Variants in CRACR2A observed in about 807,000 individuals in gnomAD.
CRACR2A encodes calcium release activated channel regulator 2A, also known as EF-hand calcium-binding domain-containing protein 4B.
A neutral mutation model predicts 90.5 loss-of-function variants in CRACR2A; 79 were observed. That is an observed-to-expected ratio of 0.87 (90% confidence interval 0.73 to 1.05). CRACR2A has a LOEUF of 1.05. Ranked by LOEUF, CRACR2A falls within the 50% of genes least tolerant of loss-of-function variation. The pLI is 0.00. For missense variants in CRACR2A, 823 were observed against 897.2 expected (o/e 0.92, Z 1.06); for synonymous variants, 338 against 356.7 (o/e 0.95, Z 0.59).
At position 3,657,890 on chromosome 12, in the gene CRACR2A, G is replaced by A. The variant is rs73047239; in HGVS notation, c.763-1484C>T. Among the ~76,000 whole-genome samples the A allele has an allele frequency of 9.8e-3, 1,494 of 152,220 alleles. 12 individuals are homozygous for A. Among genetic ancestry groups the A allele is most frequent in the Middle Eastern group, 0.017 (5 of 294 alleles). On this transcript the variant is annotated intron_variant, in intron 8 of 19. Transcript: ENST00000440314. The stretch of plus-strand genomic sequence containing the variant: ...GCAAGTGATTAGGTACTTCCTTCAC[G>A]GTCAAACAAACTGGTAAGGGTCAAG...
At chr12:3,650,875 T>C (rs548390742) in intron 10 of CRACR2A, among the ~76,000 whole-genome samples, 3 of 152,348 alleles carry the variant, frequency 2.0e-5, no homozygotes, top group African/African-American at 4.8e-5. Context: ...TACTGTTCTA[T>C]TTGTCTAGTA....
intron 3 of CRACR2A, among the ~76,000 whole-genome samples, chr12:3,703,462 C>T (rs1945866201): frequency 6.6e-6 from 1 of 152,162 alleles, no homozygotes; most frequent in Non-Finnish European, 1.5e-5. Flanking sequence ...AATGTAAAAC[C>T]TGTAAACATA....
intron 6 of CRACR2A, among the ~76,000 whole-genome samples, chr12:3,675,842 G>C (rs921784778): frequency 6.6e-6 from 1 of 152,136 alleles, no homozygotes; most frequent in African/African-American, 2.4e-5. Context: ...AATCCTTTGT[G>C]CTTGCGTTAT....
chr12:3,645,257 C>G (rs943385748), intron 11 of CRACR2A, among the ~76,000 whole-genome samples: 2 of 152,194 alleles, frequency 1.3e-5, no homozygotes, highest in Admixed American at 1.3e-4. Context: ...AATAAGACAG[C>G]ATTTGCATAG....
chr12:3,714,784 C>T (rs952003935), intron 2 of CRACR2A, among the ~76,000 whole-genome samples: 1 of 152,144 alleles, frequency 6.6e-6, no homozygotes, highest in South Asian at 2.1e-4. Context: ...TAGACAGGGG[C>T]CAGATCTTAG....
chr12:3,725,294 A>T (rs1230093912), intron 2 of CRACR2A, among the ~76,000 whole-genome samples: 3 of 83,980 alleles, frequency 3.6e-5, no homozygotes, highest in Non-Finnish European at 5.3e-5. Context: ...GTCCTAAATC[A>T]AGGTGACTGC....
At position 3,628,002 on chromosome 12, in the gene CRACR2A, C is replaced by T. The variant is rs569065569; in HGVS notation, c.1736-296G>A. On this transcript the variant is annotated intron_variant, in intron 15 of 19. Transcript: ENST00000440314. ...ATACAAGCCATACACTCTTTCTTTC[C>T]CTCCCTCCCTCCCTCCCTCTCTCCT... Among the ~76,000 whole-genome samples the T allele has an allele frequency of 1.8e-4, 22 of 120,378 alleles. No homozygotes were observed. In the East Asian group the frequency reaches 3.0e-3, roughly 16 times the overall value. The allele number at this position is 120,378 out of a possible 152,430, so 79.0% of individuals were successfully genotyped here.
chr12:3,736,332 A>C (rs1946449162), intron 1 of CRACR2A, among the ~76,000 whole-genome samples: 2 of 151,640 alleles, frequency 1.3e-5, no homozygotes, highest in African/African-American at 4.8e-5. Context: ...ACTCCATGAC[A>C]TCTAGCTTCA....
intron 2 of CRACR2A, chr12:3,727,765 A>G (rs1946295229): frequency 1.3e-5 from 2 of 152,180 alleles, no homozygotes; most frequent in East Asian, 3.8e-4. Context: ...GGGCTGAAAA[A>G]CTACCTATTG....
chr12:3,749,857 C>T (rs1340589178), intron 1 of CRACR2A, among the ~76,000 whole-genome samples: 1 of 146,986 alleles, frequency 6.8e-6, no homozygotes, highest in Admixed American at 6.8e-5. Flanking sequence ...TTGGTAGGAA[C>T]AAAAAGTGTA....
At chr12:3,742,076 G>A (rs1946535339) in intron 1 of CRACR2A, among the ~76,000 whole-genome samples, 1 of 152,224 alleles carries the variant, frequency 6.6e-6, no homozygotes, top group South Asian at 2.1e-4. Context: ...CTGAGGTTAG[G>A]ACAGGGAGGG....
At chr12:3,643,798 AT>A (rs1944620500) in intron 12 of CRACR2A, among the ~76,000 whole-genome samples, 1 of 108,750 alleles carries the variant, frequency 9.2e-6, no homozygotes, top group African/African-American at 3.8e-5. Flanking sequence ...TATTTATATA[AT>A]ATATATTATA....
chr12:3,644,139 A>G (rs1181133663), intron 12 of CRACR2A, among the ~76,000 whole-genome samples: 2 of 149,636 alleles, frequency 1.3e-5, no homozygotes, highest in African/African-American at 4.9e-5. Flanking sequence ...CCTATAGGAT[A>G]GAGAAAAATT....
chr12:3,718,761 G>A (rs1565500412), intron 2 of CRACR2A, among the ~76,000 whole-genome samples: 1 of 152,178 alleles, frequency 6.6e-6, no homozygotes, highest in Non-Finnish European at 1.5e-5. Context: ...TTGCATTTCT[G>A]ATGTGCAGCG....
chr12:3,684,958 C>A (rs572472851), intron 4 of CRACR2A, among the ~76,000 whole-genome samples: 2 of 152,198 alleles, frequency 1.3e-5, no homozygotes, highest in African/African-American at 4.8e-5. Flanking sequence ...CAAGACAGGG[C>A]GGACAGTGTG....
chr12:3,741,253 T>A (rs929640859), intron 1 of CRACR2A, among the ~76,000 whole-genome samples: 2 of 152,154 alleles, frequency 1.3e-5, no homozygotes, highest in Non-Finnish European at 2.9e-5. Flanking sequence ...CCCTTCCTAC[T>A]TCCTCCTGAG....
chr12:3,700,269 A>C (rs184458315), intron 3 of CRACR2A, among the ~76,000 whole-genome samples: 2 of 152,266 alleles, frequency 1.3e-5, no homozygotes, highest in East Asian at 3.9e-4. Context: ...TTCTGCCTTA[A>C]ATTTTTTTTG....
rs540436254 is a variant in CRACR2A, at chr12:3,746,044, G to C, written c.-387+6971C>G. The stretch of plus-strand genomic sequence containing the variant: ...GGCTGTTCCTGTGCCTCAGGGCCCT[G>C]TGCTGTAAATGCTTCCCAGCCTGGG... On this transcript the variant is annotated intron_variant, in intron 1 of 19. Coordinates refer to ENST00000440314, the MANE Select transcript of CRACR2A (RefSeq NM_001144958.2). This position sits in a 1 kb window ranked among gnomAD's most constrained non-coding sequence, Gnocchi z 4.4. Among the ~76,000 whole-genome samples, 1 of 151,946 alleles carries C rather than the reference G, an allele frequency of 6.6e-6. No individual in the cohort carries two copies. Among genetic ancestry groups the C allele is most frequent in the Non-Finnish European group, 1.5e-5 (1 of 67,992 alleles).
intron 4 of CRACR2A, among the ~76,000 whole-genome samples, chr12:3,694,526 G>A (rs930349363): frequency 1.3e-5 from 2 of 152,206 alleles, no homozygotes; most frequent in South Asian, 2.1e-4. Context: ...ACCAACCAAA[G>A]GGGGTGACTG....
Sources: gnomAD v4.1 joint callset for allele counts (sites outside exome capture counted in the v4.1 genomes callset) on GRCh38, gnomAD v4.1.1 for gene constraint, Gnocchi (gnomAD v3.1) non-coding constraint, MANE v1.5 for transcripts, NCBI Gene and HGNC (gene_info 2026-07-23, HGNC 2026-07-21) for gene names.